Variants in COL14A1 observed in about 807,000 individuals in gnomAD.
The protein encoded by COL14A1 is collagen alpha-1(XIV) chain.
In COL14A1, 136 loss-of-function variants were observed where a neutral mutation model predicts 230.3. That is an observed-to-expected ratio of 0.59 (90% CI 0.51 to 0.68). The LOEUF is 0.68. COL14A1 is among the 30% of genes least tolerant of loss of function. COL14A1 has a pLI of 0.00. For missense variants in COL14A1, 1,976 were observed against 2,215.8 expected, an observed-to-expected ratio of 0.89 and a Z score of 2.17; for synonymous variants, 792 against 784.1, an observed-to-expected ratio of 1.01 and a Z score of -0.17.
At chr8:120,176,974 C>G (rs1816303059) in intron 5 of COL14A1, among the ~76,000 whole-genome samples, 1 of 152,090 alleles carries the variant, frequency 6.6e-6, no homozygotes, top group Non-Finnish European at 1.5e-5. Context: ...TGCTCCTTAT[C>G]CATGCAGGGA....
chr8:120,124,488 A>T (rs1359066619), upstream of COL14A1, among the ~76,000 whole-genome samples: 1 of 152,180 alleles, frequency 6.6e-6, no homozygotes, highest in Non-Finnish European at 1.5e-5. Flanking sequence ...GCAGGTTATG[A>T]GGTACAACCA....
chr8:120,345,527 G>A lies in COL14A1; in HGVS notation c.5041G>A (p.Gly1681Arg), dbSNP rs145158086. Reference protein sequence around the residue: ...QGPPGTPGFPGNAGVPGTPGE... With the variant: ...QGPPGTPGFPRNAGVPGTPGE... ...ACCCCCAGGCACACCAGGCTTCCCC[G>A]GAAATGCAGGCGTGCCAGGGACCCC... The change falls in exon 45 of 48, where the codon GGA becomes AGA. Residue 1681 changes from glycine (G) to arginine (R), a missense_variant. This residue lies in a region of COL14A1 where 1,791 missense variants were observed against 2,019.5 expected (regional missense o/e 0.89). Transcript: ENST00000297848. The A allele has an allele frequency of 5.1e-6, 8 of 1,570,554 alleles. No individual in the cohort carries two copies. The highest frequency in any genetic ancestry group is 2.1e-5 in the Admixed American group (1 of 48,748).
At chr8:120,275,441 A>G (rs963894241) in intron 26 of COL14A1, among the ~76,000 whole-genome samples, 2 of 152,036 alleles carry the variant, frequency 1.3e-5, no homozygotes, top group African/African-American at 4.8e-5. Context: ...CAAGGAATTT[A>G]TGACTAAGAC....
rs534144106 is a variant in COL14A1 at position 120,142,425 on chromosome 8, C to T, written c.-37-5381C>T. 7.9e-4 allele frequency among the ~76,000 whole-genome samples: 121 copies of T among 152,272 alleles called. 1 individual carries two copies. The highest frequency in any genetic ancestry group is 2.8e-3 in the Admixed American group (43 of 15,292). ...TTGTAGGGTTAGGGTTATATGTATACCCTGGGGCTTTTCCTCCCATAGTTC... is the reference window on the plus strand; with the variant it reads ...TTGTAGGGTTAGGGTTATATGTATATCCTGGGGCTTTTCCTCCCATAGTTC... On this transcript the variant is annotated intron_variant, in intron 1 of 47. Coordinates refer to ENST00000297848, the MANE Select transcript of COL14A1 (RefSeq NM_021110.4).
intron 34 of COL14A1, among the ~76,000 whole-genome samples, chr8:120,295,122 C>T (rs1265402371): frequency 2.0e-5 from 3 of 151,816 alleles, no homozygotes; most frequent in African/African-American, 4.8e-5. Context: ...GCTCTGAGGG[C>T]TCTACTCAGA....
intron 11 of COL14A1, 26 bp from the exon 12 acceptor site, chr8:120,209,730 A>G (rs1817562290): frequency 3.1e-6 from 5 of 1,596,150 alleles, no homozygotes; most frequent in Non-Finnish European, 4.3e-6. Context: ...TAAGTGGCTC[A>G]ACATTTAAAA....
At chr8:120,255,126 C>A in intron 22 of COL14A1, 114 bp from the exon 23 acceptor site, 1 of 768,958 alleles carries the variant, frequency 1.3e-6, no homozygotes, top group Non-Finnish European at 2.3e-6. Context: ...GATGGATTTC[C>A]CAGCTCTGAC....
chr8:120,311,585 A>G (rs959210223), intron 37 of COL14A1, among the ~76,000 whole-genome samples: 1 of 152,232 alleles, frequency 6.6e-6, no homozygotes, highest in Non-Finnish European at 1.5e-5. Context: ...TGACATGTCC[A>G]CCAATGTGGA....
At chr8:120,227,645 A>G (rs1818141104) in intron 17 of COL14A1, among the ~76,000 whole-genome samples, 1 of 152,190 alleles carries the variant, frequency 6.6e-6, no homozygotes. Flanking sequence ...AACACCCATC[A>G]AATGGATGGA....
chr8:120,215,368 CAGAA>C (rs983863296), intron 13 of COL14A1, among the ~76,000 whole-genome samples: 137 of 142,984 alleles, frequency 9.6e-4, no homozygotes, highest in Non-Finnish European at 1.7e-3. Flanking sequence ...GAGACTCTGT[CAGAA>C]AGAAAGAAAG....
At chr8:120,196,610 C>G (rs1041529297) in intron 5 of COL14A1, among the ~76,000 whole-genome samples, 181 bp from the exon 6 acceptor site, 1 of 152,204 alleles carries the variant, frequency 6.6e-6, no homozygotes, top group Non-Finnish European at 1.5e-5. Flanking sequence ...CTACTGCCAA[C>G]AGTTACCACA....
Position 120,226,713 on chromosome 8 carries a change from G to T in COL14A1, c.1951G>T (p.Glu651Ter). The T allele has an allele frequency of 9.3e-6, 15 of 1,613,906 alleles. No homozygotes were observed. The highest frequency in any genetic ancestry group is 1.3e-5 in the Non-Finnish European group (15 of 1,179,882). Residue 651 changes from glutamate (E) to a stop codon, truncating the protein, a stop_gained, in exon 16 of 48, where the codon GAA (glutamate) becomes TAA (stop). Transcript: ENST00000297848. LOFTEE classifies it high-confidence loss of function. The part of the protein sequence containing the change: ...RVTWHPLSAD[E>*]GLHKLMWIPV... ...GACCTGGCATCCCCTCTCAGCTGAT[G>T]AAGGGCTACACAAATTGATGTGGAT...
At chr8:120,244,642 T>C (rs528841283) in intron 20 of COL14A1, among the ~76,000 whole-genome samples, 1 of 152,276 alleles carries the variant, frequency 6.6e-6, no homozygotes, top group South Asian at 2.1e-4. Flanking sequence ...TGATGTTTGG[T>C]TTTCCATTTC....
chr8:120,312,481 G>A (rs1821076919), intron 37 of COL14A1, among the ~76,000 whole-genome samples: 1 of 152,070 alleles, frequency 6.6e-6, no homozygotes, highest in Non-Finnish European at 1.5e-5. Flanking sequence ...TGTTTCTATA[G>A]CACAATACCA....
At chr8:120,209,620 C>A in intron 11 of COL14A1, 136 bp from the exon 12 acceptor site, 1 of 835,590 alleles carries the variant, frequency 1.2e-6, no homozygotes, top group Non-Finnish European at 1.8e-6. Flanking sequence ...CATTGTTTAA[C>A]CCAGGAACTT....
intron 5 of COL14A1, among the ~76,000 whole-genome samples, chr8:120,179,344 C>G (rs982056109): frequency 1.3e-5 from 2 of 152,176 alleles, no homozygotes; most frequent in Non-Finnish European, 2.9e-5. Context: ...AACAAAGTCT[C>G]AAGATACAAA....
intron 1 of COL14A1, among the ~76,000 whole-genome samples, chr8:120,128,228 C>CGCGT (rs1371704696): frequency 0.078 from 11,446 of 146,634 alleles, 533 homozygotes; most frequent in Non-Finnish European, 0.11. Context: ...TGTGCGCGCG[C>CGCGT]GTGTGTGTGT....
Position 120,203,840 on chromosome 8 carries a change from A to G in COL14A1, c.1009A>G (p.Arg337Gly). 6.2e-7 allele frequency: 1 copy of G among 1,613,950 alleles called. No homozygotes were observed. Among genetic ancestry groups the G allele is most frequent in the Non-Finnish European group, 8.5e-7 (1 of 1,179,884 alleles). The change falls in exon 9 of 48, where the codon AGA becomes GGA. Residue 337 changes from arginine to glycine, a missense_variant. Coordinates refer to ENST00000297848, the MANE Select transcript of COL14A1 (RefSeq NM_021110.4). The stretch of plus-strand genomic sequence containing the variant: ...GAGTCTGACCAGGACTCTCTGCTCT[A>G]GAGTGGAAGAACAGGACAGAGAAAT... ...VESLTRTLCS[R>G]VEEQDREIKA...
intron 45 of COL14A1, among the ~76,000 whole-genome samples, chr8:120,345,990 T>A (rs924685876): frequency 1.3e-5 from 2 of 152,234 alleles, no homozygotes; most frequent in African/African-American, 4.8e-5. Flanking sequence ...TTTATTTGTG[T>A]GGTGCCCAGA....
Sources: allele counts gnomAD v4.1 joint callset (sites outside exome capture counted in the v4.1 genomes callset), GRCh38; gene constraint gnomAD v4.1.1; regional missense constraint gnomAD v4.1.1; transcripts MANE v1.5; gene names NCBI Gene and HGNC (gene_info 2026-07-23, HGNC 2026-07-21).